The following SLC45A4 variants were observed in gnomAD, a reference collection of about 807,000 sequenced individuals.
The protein encoded by SLC45A4 is polyamine-transporter SLC45A4.
In SLC45A4, 32 loss-of-function variants were observed where a neutral mutation model predicts 63.7. That is an observed-to-expected ratio of 0.50 (90% CI 0.38 to 0.67). The LOEUF (loss-of-function observed/expected upper bound fraction) is 0.67, where lower values mean the gene tolerates loss of function less well. Among genes scored for constraint, SLC45A4 ranks in the 30% least tolerant of loss-of-function variants. The pLI, the probability that SLC45A4 is intolerant of heterozygous loss-of-function variation, is 0.00. For synonymous variants in SLC45A4, 535 were observed against 510.0 expected, an observed-to-expected ratio of 1.05 and a Z score of -0.66; for missense variants, 1,027 against 1,157.7, an observed-to-expected ratio of 0.89 and a Z score of 1.64.
At chr8:141,249,447 T>C (rs1828365025) in intron 2 of SLC45A4, among the ~76,000 whole-genome samples, 1 of 152,182 alleles carries the variant, frequency 6.6e-6, no homozygotes, top group East Asian at 1.9e-4. Flanking sequence ...CAGAAAAGCA[T>C]TATGCTAAGT....
intron 2 of SLC45A4, among the ~76,000 whole-genome samples, chr8:141,247,803 CAT>C (rs1313254024): frequency 3.9e-5 from 6 of 152,180 alleles, no homozygotes; most frequent in Non-Finnish European, 8.8e-5. Flanking sequence ...CAGGAACAGA[CAT>C]ATAGATCAAT....
intron 1 of SLC45A4, among the ~76,000 whole-genome samples, chr8:141,295,193 C>G (rs1332186432): frequency 1.3e-5 from 2 of 152,220 alleles, no homozygotes; most frequent in African/African-American, 4.8e-5. Flanking sequence ...GGGAAGGCAG[C>G]CCCTGTGGGT....
chr8:141,282,114 C>T (rs754337326), intron 1 of SLC45A4, among the ~76,000 whole-genome samples: 6 of 152,162 alleles, frequency 3.9e-5, no homozygotes, highest in Non-Finnish European at 7.3e-5. Context: ...GGAAGTAGGA[C>T]GATCGTCAGA....
intron 1 of SLC45A4, among the ~76,000 whole-genome samples, chr8:141,265,620 T>G (rs1829235750): frequency 6.6e-6 from 1 of 152,218 alleles, no homozygotes; most frequent in Admixed American, 6.5e-5. Flanking sequence ...TACTGAGGCA[T>G]GACGTCACAC....
chr8:141,230,290 A>T (rs897697716), intron 2 of SLC45A4: 2 of 363,654 alleles, frequency 5.5e-6, no homozygotes, highest in Non-Finnish European at 1.1e-5. Flanking sequence ...AGAGCACCCC[A>T]TCTCAACAAG....
rs1825717518 is a variant in SLC45A4 at position 141,209,918 on chromosome 8, G to C, written c.*1654C>G. The C allele has an allele frequency of 6.6e-6, 1 of 152,256 alleles. No homozygotes were observed. The highest frequency in any genetic ancestry group is 1.5e-5 in the Non-Finnish European group (1 of 68,068). 9.4% of individuals were successfully genotyped at this position (152,256 alleles called of 1,614,324 possible). A position where few individuals can be genotyped will look rare whatever the true frequency, so the allele number is the denominator to read the frequency against. ...TCCCAGCTGGCGAGGAATCGGCTTT[G>C]GTGAGCCCTGGATCCGGCCCCTGGG... On this transcript the variant is annotated 3_prime_UTR_variant, in exon 9 of 9. Transcript: ENST00000517878.
chr8:141,222,857 G>T (rs1028510621), intron 2 of SLC45A4, among the ~76,000 whole-genome samples: 1 of 152,238 alleles, frequency 6.6e-6, no homozygotes, highest in Non-Finnish European at 1.5e-5. Flanking sequence ...CTGAAGCGGG[G>T]TCGGGTGTCT....
intron 2 of SLC45A4, among the ~76,000 whole-genome samples, chr8:141,244,141 G>A (rs748334140): frequency 2.0e-5 from 3 of 152,264 alleles, no homozygotes; most frequent in African/African-American, 7.2e-5. Context: ...GGTGCGCTCC[G>A]CCTGTCCTGA....
intron 1 of SLC45A4, among the ~76,000 whole-genome samples, chr8:141,307,894 G>C (rs1830950236): frequency 1.3e-5 from 2 of 150,940 alleles, no homozygotes; most frequent in African/African-American, 4.9e-5. Context: ...AGGAATTGGG[G>C]GGCCCTGAGG....
rs1192619404 is a variant in SLC45A4, at chr8:141,238,821, G to A, written c.241+15168C>T. Reference sequence around the variant, plus strand: ...CCCACAGTACAGCTGCCAGGGGGCCGGCGCGGGGCAGAGCAGGCTGCCCCG... The same window carrying A: ...CCCACAGTACAGCTGCCAGGGGGCCAGCGCGGGGCAGAGCAGGCTGCCCCG... On this transcript the variant is annotated intron_variant, in intron 2 of 8. Coordinates refer to ENST00000517878, the MANE Select transcript of SLC45A4 (RefSeq NM_001286646.2). Among the ~76,000 whole-genome samples the A allele has an allele frequency of 5.9e-5, 9 of 152,206 alleles. No individual in the cohort carries two copies. The East Asian group carries it at 7.7e-4, about 13-fold the overall frequency.
At chr8:141,231,260 G>A (rs2154614327) in intron 2 of SLC45A4, among the ~76,000 whole-genome samples, 1 of 152,334 alleles carries the variant, frequency 6.6e-6, no homozygotes, top group Middle Eastern at 3.4e-3. Flanking sequence ...CTTGGCTCTG[G>A]GCTGAGAGTG....
At chr8:141,303,692 TAGCA>T (rs1830816415) in intron 1 of SLC45A4, among the ~76,000 whole-genome samples, 2 of 152,168 alleles carry the variant, frequency 1.3e-5, no homozygotes, top group Admixed American at 6.5e-5. Context: ...TCAGAGCAAG[TAGCA>T]TAACAGAACC....
At chr8:141,306,021 AC>A (rs1157073058) in intron 1 of SLC45A4, among the ~76,000 whole-genome samples, 1 of 110,918 alleles carries the variant, frequency 9.0e-6, no homozygotes, top group Non-Finnish European at 1.9e-5. Context: ...CCCCTCCCCC[AC>A]CCCCCTCCAA....
chr8:141,232,862 G>A (rs928005091), intron 2 of SLC45A4, among the ~76,000 whole-genome samples: 3 of 152,230 alleles, frequency 2.0e-5, no homozygotes, highest in African/African-American at 4.8e-5. Context: ...GAACGCTCAC[G>A]ACCAGCTTGG....
chr8:141,300,951 G>A (rs547963534), intron 1 of SLC45A4, among the ~76,000 whole-genome samples: 3 of 152,222 alleles, frequency 2.0e-5, no homozygotes, highest in Non-Finnish European at 2.9e-5. Flanking sequence ...CCAAGTGTGC[G>A]AACACAGCAC....
At chr8:141,238,062 ACATACGTGGTT>A (rs1331272106) in intron 2 of SLC45A4, among the ~76,000 whole-genome samples, 1 of 152,242 alleles carries the variant, frequency 6.6e-6, no homozygotes, top group Admixed American at 6.5e-5. Flanking sequence ...TGTCCAGCCC[ACATACGTGGTT>A]CTCCCTCTAG....
At position 141,215,205 on chromosome 8, in the gene SLC45A4, T is replaced by C. The variant is rs376594885; in HGVS notation, c.1941+554A>G. On this transcript the variant is annotated intron_variant, in intron 7 of 8. Coordinates refer to ENST00000517878, the MANE Select transcript of SLC45A4 (RefSeq NM_001286646.2). This position sits in a 1 kb window ranked among gnomAD's most constrained non-coding sequence, Gnocchi z 4.3. The stretch of plus-strand genomic sequence containing the variant: ...AGCATTTGAGATAAAGCTCGTCTCA[T>C]GTGTGATGTGCTGTGATGTAACATA... Among the ~76,000 whole-genome samples, 8 of 152,260 alleles carry C rather than the reference T, an allele frequency of 5.3e-5. No homozygotes were observed. The highest frequency in any genetic ancestry group is 1.9e-4 in the African/African-American group (8 of 41,474).
At chr8:141,228,569 C>G (rs949292391) in intron 2 of SLC45A4, 3 of 1,215,690 alleles carry the variant, frequency 2.5e-6, no homozygotes, top group Non-Finnish European at 3.1e-6. Context: ...CCTCTCTGCC[C>G]TATCAGCACA....
chr8:141,240,057 C>T (rs1048074779), intron 2 of SLC45A4, among the ~76,000 whole-genome samples: 1 of 152,196 alleles, frequency 6.6e-6, no homozygotes, highest in Non-Finnish European at 1.5e-5. Flanking sequence ...TCGATTCACA[C>T]GAAACGACAA....
Sources: allele counts gnomAD v4.1 joint callset (sites outside exome capture counted in the v4.1 genomes callset), GRCh38; gene constraint gnomAD v4.1.1; non-coding constraint Gnocchi (gnomAD v3.1); transcripts MANE v1.5; gene names NCBI Gene and HGNC (gene_info 2026-07-23, HGNC 2026-07-21).